PCDH15: variants seen among roughly 807,000 people sequenced by gnomAD.
PCDH15 encodes protocadherin-15.
A neutral mutation model predicts 178.5 loss-of-function variants in PCDH15; 129 were observed. The ratio of observed to expected loss-of-function variants is 0.72; its 90% CI spans 0.63 to 0.84. The LOEUF (loss-of-function observed/expected upper bound fraction) is 0.84. PCDH15 is among the 40% of genes least tolerant of loss of function. PCDH15 has a pLI of 0.00. For missense variants in PCDH15, 2,230 were observed against 2,099.9 expected (o/e 1.06, Z -1.21); for synonymous variants, 800 against 732.0 (o/e 1.09, Z -1.50).
chr10:53,832,073 T>A (rs569827697), intron 29 of PCDH15, among the ~76,000 whole-genome samples: 1 of 151,128 alleles, frequency 6.6e-6, no homozygotes, highest in South Asian at 2.1e-4. Context: ...ATCTTAAAAG[T>A]AAACATTCTC....
intron 2 of PCDH15, among the ~76,000 whole-genome samples, chr10:54,650,494 G>C (rs2094233511): frequency 6.6e-6 from 1 of 152,064 alleles, no homozygotes; most frequent in Admixed American, 6.6e-5. Flanking sequence ...AATGTTGGTG[G>C]TTACTATTAG....
chr10:55,294,906 T>C (rs986939081), intron 1 of PCDH15, among the ~76,000 whole-genome samples: 1 of 152,202 alleles, frequency 6.6e-6, no homozygotes, highest in Admixed American at 6.5e-5. Flanking sequence ...TTTTTCCGTA[T>C]TAAAATTTTT....
At chr10:54,141,339 A>C (rs2043387541) in intron 14 of PCDH15, among the ~76,000 whole-genome samples, 2 of 152,116 alleles carry the variant, frequency 1.3e-5, no homozygotes, top group South Asian at 2.1e-4. Context: ...GATAGCTATG[A>C]TAATTTTAAG....
chr10:54,863,796 C>T (rs182510476), intron 3 of PCDH15, among the ~76,000 whole-genome samples: 9 of 152,184 alleles, frequency 5.9e-5, no homozygotes, highest in Non-Finnish European at 8.8e-5. Flanking sequence ...CCAGTGGAAC[C>T]GCCAGTCATA....
intron 1 of PCDH15, among the ~76,000 whole-genome samples, chr10:55,271,897 CT>C (rs1295872293): frequency 6.6e-6 from 1 of 152,070 alleles, no homozygotes; most frequent in Non-Finnish European, 1.5e-5. Context: ...CTAAGCATCT[CT>C]TATAAAATGT....
intron 28 of PCDH15, among the ~76,000 whole-genome samples, chr10:53,855,833 T>C (rs2078685632): frequency 6.7e-6 from 1 of 149,492 alleles, no homozygotes; most frequent in African/African-American, 2.5e-5. Context: ...GGCACATGTA[T>C]ACCTATGTAA....
At chr10:54,238,677 T>TCA (rs71476326) in intron 8 of PCDH15, among the ~76,000 whole-genome samples, 1,633 of 144,342 alleles carry the variant, frequency 0.011, 12 homozygotes, top group Admixed American at 0.022. Flanking sequence ...TCTCTCTCTC[T>TCA]CACACACACA....
chr10:54,488,294 C>T (rs115476683), intron 3 of PCDH15, among the ~76,000 whole-genome samples: 6,210 of 151,682 alleles, frequency 0.041, 200 homozygotes, highest in South Asian at 0.087. Flanking sequence ...TAATTGGATA[C>T]TTGGATTATT....
At position 55,265,782 on chromosome 10, in the gene PCDH15, G is replaced by GA. The variant is rs57188577; in HGVS notation, c.-156+53816dup. ...CCTCTCTATCTCGTGATTCAGTCAAGAAACAGCTAATCCTAAAGGATACAT... is the reference window on the plus strand; with the variant it reads ...CCTCTCTATCTCGTGATTCAGTCAAGAAAACAGCTAATCCTAAAGGATACAT... On this transcript the variant is annotated intron_variant, in intron 1 of 5. Transcript: ENST00000458638. 3.8e-3 allele frequency among the ~76,000 whole-genome samples: 578 copies of GA among 152,214 alleles called. 3 individuals carry two copies. Among genetic ancestry groups the GA allele is most frequent in the African/African-American group, 0.014 (561 of 41,530 alleles).
intron 26 of PCDH15, among the ~76,000 whole-genome samples, chr10:53,872,907 C>T (rs759896551): frequency 3.9e-5 from 6 of 152,168 alleles, no homozygotes; most frequent in Non-Finnish European, 5.9e-5. Flanking sequence ...TTCTTCAAAT[C>T]TCAGAGGAGC....
At chr10:54,140,105 T>G (rs922222573) in intron 14 of PCDH15, among the ~76,000 whole-genome samples, 14 of 152,176 alleles carry the variant, frequency 9.2e-5, no homozygotes, top group African/African-American at 3.4e-4. Context: ...AAAATAGGAA[T>G]GCTTTGGCTA....
intron 1 of PCDH15, among the ~76,000 whole-genome samples, chr10:54,670,593 A>G (rs2094645362): frequency 6.6e-6 from 1 of 152,168 alleles, no homozygotes; most frequent in African/African-American, 2.4e-5. Context: ...TATTCAGTTT[A>G]GTCTATAATA....
intron 2 of PCDH15, among the ~76,000 whole-genome samples, chr10:54,571,320 A>G (rs557956793): frequency 1.8e-5 from 2 of 108,646 alleles, no homozygotes; most frequent in South Asian, 7.2e-4. Flanking sequence ...GTACGAGACA[A>G]TAGACAAAAT....
chr10:54,752,489 AAAC>A (rs1311601627), intron 1 of PCDH15, among the ~76,000 whole-genome samples: 1,406 of 89,778 alleles, frequency 0.016, 108 homozygotes, highest in East Asian at 0.041. Flanking sequence ...AAAAAAAAAA[AAAC>A]AAAAAACAAA....
chr10:55,025,338 T>C (rs1388387447), intron 2 of PCDH15, among the ~76,000 whole-genome samples: 1 of 152,168 alleles, frequency 6.6e-6, no homozygotes. Flanking sequence ...TGTTCCCTCC[T>C]ATTTTCCATA....
In PCDH15 at chr10:54,279,196, T is replaced by C. The variant is rs186692305; in HGVS notation, c.876+38075A>G. ...AAGTAAATATTGAAATAGATGGGCA[T>C]GTTAGGCTGGGCAGCTTTTTGTGGG... On this transcript the variant is annotated intron_variant, in intron 8 of 37. Coordinates refer to ENST00000644397, the MANE Select transcript of PCDH15 (RefSeq NM_001384140.1). Among the ~76,000 whole-genome samples, 450 of 151,664 alleles carry C rather than the reference T, an allele frequency of 3.0e-3. 3 individuals carry two copies. Among genetic ancestry groups the C allele is most frequent in the Non-Finnish European group, 4.9e-3 (333 of 67,624 alleles).
At chr10:54,558,572 A>T (rs1227721813) in intron 2 of PCDH15, among the ~76,000 whole-genome samples, 2 of 152,080 alleles carry the variant, frequency 1.3e-5, no homozygotes, top group African/African-American at 4.8e-5. Flanking sequence ...CTTCTGAAAC[A>T]TTGCTATATC....
At chr10:54,973,725 C>G (rs914359407) in intron 2 of PCDH15, among the ~76,000 whole-genome samples, 4 of 152,058 alleles carry the variant, frequency 2.6e-5, no homozygotes, top group African/African-American at 9.7e-5. Context: ...GACATCATGA[C>G]AGTTAAAATT....
chr10:53,949,072 G>A (rs1291460010), intron 23 of PCDH15, among the ~76,000 whole-genome samples: 1 of 152,182 alleles, frequency 6.6e-6, no homozygotes, highest in African/African-American at 2.4e-5. Context: ...TGAGTCCTTT[G>A]TTGAAGGAAG....
Sources: allele counts gnomAD v4.1 joint callset (sites outside exome capture counted in the v4.1 genomes callset), GRCh38; gene constraint gnomAD v4.1.1; transcripts MANE v1.5; gene names NCBI Gene and HGNC (gene_info 2026-07-23, HGNC 2026-07-21).